OTUB1: variants seen among roughly 807,000 people sequenced by gnomAD.
OTUB1 encodes the protein ubiquitin thioesterase OTUB1.
In OTUB1, 10 loss-of-function variants were observed where a neutral mutation model predicts 35.8. That is an observed-to-expected ratio of 0.28 (90% CI 0.17 to 0.47). OTUB1 has a LOEUF of 0.47. OTUB1 is among the 20% of genes least tolerant of loss of function. The pLI is 0.99. For missense variants in OTUB1, 264 were observed against 351.6 expected (o/e 0.75, Z 1.99); for synonymous variants, 158 against 143.8 (o/e 1.10, Z -0.71).
At chr11:63,995,239 C>T (rs1420024852) in intron 3 of OTUB1, among the ~76,000 whole-genome samples, 2 of 152,156 alleles carry the variant, frequency 1.3e-5, no homozygotes, top group African/African-American at 4.8e-5. Context: ...CTCTGTTGCC[C>T]AGGCTGGAGT....
chr11:63,990,585 T>TAAAA (rs774764039), intron 3 of OTUB1: 7,191 of 124,366 alleles, frequency 0.058, 280 homozygotes, highest in Non-Finnish European at 0.089. Flanking sequence ...ACCTGTCTCT[T>TAAAA]AAAAAAATAA....
intron 3 of OTUB1, 94 bp from the exon 4 acceptor site, chr11:63,996,436 A>T: frequency 7.2e-7 from 1 of 1,395,034 alleles, no homozygotes; most frequent in Non-Finnish European, 9.9e-7. Flanking sequence ...CTCAGTTGCC[A>T]CCTTTGGAGT....
intron 3 of OTUB1, chr11:63,990,598 A>AAAAT (rs1166629059): frequency 2.3e-5 from 2 of 86,570 alleles, no homozygotes; most frequent in African/African-American, 3.8e-5. Flanking sequence ...AAAAATAAAA[A>AAAAT]AATAAATAAA....
At position 63,998,084 on chromosome 11, in the gene OTUB1, G is replaced by A; in HGVS notation, c.*538G>A. 2.6e-6 allele frequency: 1 copy of A among 390,474 alleles called. No individual in the cohort carries two copies. Among genetic ancestry groups the A allele is most frequent in the Admixed American group, 4.3e-5 (1 of 23,190 alleles). The allele number at this position is 390,474 out of a possible 1,614,324, so 24.2% of individuals were successfully genotyped here. On this transcript the variant is annotated 3_prime_UTR_variant, in exon 7 of 7. Coordinates refer to ENST00000538426, the MANE Select transcript of OTUB1 (RefSeq NM_017670.3). ...TGGGTGGAGGGGCCTTTGTGAGGCT[G>A]GACCCGGCTCAGGGCAGGTGGAGGA...
intron 3 of OTUB1, among the ~76,000 whole-genome samples, chr11:63,992,947 A>T (rs898330502): frequency 6.6e-6 from 1 of 152,206 alleles, no homozygotes; most frequent in Non-Finnish European, 1.5e-5. Flanking sequence ...TGGCCTCCCA[A>T]AGTGCTGGGA....
At chr11:63,996,777 C>A (rs369302414) in intron 4 of OTUB1, 80 bp from the exon 5 acceptor site, 3 of 1,609,250 alleles carry the variant, frequency 1.9e-6, no homozygotes, top group Non-Finnish European at 2.5e-6. Context: ...CCTTGCCAGG[C>A]GGGGCAGTGC....
chr11:63,993,675 A>AG lies in OTUB1; in HGVS notation c.220-2855_220-2854insG, dbSNP rs1233629092. Among the ~76,000 whole-genome samples, 174 of 152,006 alleles carry AG rather than the reference A, an allele frequency of 1.1e-3. 1 individual carries two copies. Among genetic ancestry groups the AG allele is most frequent in the African/African-American group, 4.1e-3 (169 of 41,490 alleles). ...CGAGACTGTCTCAAAAAAAAAAAAAAAAAATTGCTTGAGACTGATGTCGTC... is the reference window on the plus strand; with the variant it reads ...CGAGACTGTCTCAAAAAAAAAAAAAAGAAAATTGCTTGAGACTGATGTCGTC... On this transcript the variant is annotated intron_variant, in intron 3 of 6. Transcript: ENST00000538426.
chr11:63,995,510 G>T (rs1327400417), intron 3 of OTUB1, among the ~76,000 whole-genome samples: 1 of 151,694 alleles, frequency 6.6e-6, no homozygotes, highest in Non-Finnish European at 1.5e-5. Context: ...ATTTTTTTTA[G>T]AGAGACGGGG....
chr11:63,995,416 G>A (rs1297875922), intron 3 of OTUB1, among the ~76,000 whole-genome samples: 2 of 152,056 alleles, frequency 1.3e-5, no homozygotes, highest in Non-Finnish European at 2.9e-5. Context: ...TGCTGGTCTC[G>A]AACTCCCGAC....
intron 3 of OTUB1, among the ~76,000 whole-genome samples, chr11:63,993,882 T>C (rs1942695005): frequency 6.6e-6 from 1 of 152,082 alleles, no homozygotes. Context: ...GGTGCGGCAC[T>C]TTGGGAGGCC....
rs1565184943 is a variant in OTUB1, at chr11:63,990,605, T to TAAAAAAAAA, written c.219+1856_219+1857insAAAAAAAAA. 86 of 136,618 alleles carry TAAAAAAAAA rather than the reference T, an allele frequency of 6.3e-4. 1 individual carries two copies. The highest frequency in any genetic ancestry group is 2.7e-3 in the African/African-American group (82 of 30,010). The allele number at this position is 136,618 out of a possible 1,614,324, so 8.5% of individuals were successfully genotyped here. A position where few individuals can be genotyped will look rare whatever the true frequency, so the allele number is the denominator to read the frequency against. On this transcript the variant is annotated intron_variant, in intron 3 of 6. Transcript: ENST00000538426. ...TCTCTTAAAAAAATAAAAAAATAAA[T>TAAAAAAAAA]AAATAAATAAATAAATAAATGTGAC...
At position 63,997,799 on chromosome 11, in the gene OTUB1, CCT is replaced by C; in HGVS notation, c.*254_*255del. 1 of 700,120 alleles carries C rather than the reference CCT, an allele frequency of 1.4e-6. No homozygotes were observed. Among genetic ancestry groups the C allele is most frequent in the Non-Finnish European group, 2.6e-6 (1 of 384,592 alleles). The allele number at this position is 700,120 out of a possible 1,614,324, so 43.4% of individuals were successfully genotyped here. A position where few individuals can be genotyped will look rare whatever the true frequency, so the allele number is the denominator to read the frequency against. On this transcript the variant is annotated 3_prime_UTR_variant, in exon 7 of 7. Transcript: ENST00000538426. ...TCCCCCTGCTTTTCACCTATCTACT[CCT>C]GAGCTTCCCCAACAGGAGCAGGTTT... is the stretch of plus-strand genomic sequence containing the variant.
intron 3 of OTUB1, chr11:63,988,998 G>A: frequency 2.9e-6 from 1 of 343,446 alleles, no homozygotes; most frequent in South Asian, 7.3e-5. Flanking sequence ...TGGGTGATAA[G>A]AGCAAAACTT....
At chr11:63,993,054 C>T (rs1300988239) in intron 3 of OTUB1, among the ~76,000 whole-genome samples, 1 of 152,228 alleles carries the variant, frequency 6.6e-6, no homozygotes, top group Admixed American at 6.5e-5. Context: ...GGGACACTGC[C>T]AGGAGACTTG....
chr11:63,993,152 T>C (rs1942687725), intron 3 of OTUB1, among the ~76,000 whole-genome samples: 1 of 152,088 alleles, frequency 6.6e-6, no homozygotes, highest in Non-Finnish European at 1.5e-5. Flanking sequence ...AAGGGATGGA[T>C]ATGGTGATGG....
In OTUB1 at chr11:63,997,019, C is replaced by A; in HGVS notation, c.424-31C>A. On this transcript the variant is annotated intron_variant, in intron 5 of 6. Coordinates refer to ENST00000538426, the MANE Select transcript of OTUB1 (RefSeq NM_017670.3). Reference sequence around the variant, plus strand: ...TGAGGACCACCCATCTCCTCCCCGTCATCTTGCCCTTTCTCCCTCCGTGGC... The same window carrying A: ...TGAGGACCACCCATCTCCTCCCCGTAATCTTGCCCTTTCTCCCTCCGTGGC... 3 of 1,612,216 alleles carry A rather than the reference C, an allele frequency of 1.9e-6. No homozygotes were observed. In the South Asian group the frequency reaches 3.3e-5, roughly 18 times the overall value.
intron 3 of OTUB1, among the ~76,000 whole-genome samples, chr11:63,994,240 G>C (rs934345708): frequency 6.6e-6 from 1 of 152,186 alleles, no homozygotes; most frequent in African/African-American, 2.4e-5. Context: ...GTGGCTAAGT[G>C]TGCAGTGACT....
At chr11:63,988,072 C>T (rs1258985971) in intron 1 of OTUB1, among the ~76,000 whole-genome samples, 1 of 152,082 alleles carries the variant, frequency 6.6e-6, no homozygotes, top group African/African-American at 2.4e-5. Context: ...GTCAGGAGTT[C>T]GAGACCAGCC....
At chr11:63,996,673 C>T (rs762226472) in intron 4 of OTUB1, 25 bp downstream of exon 4, 18 of 1,614,018 alleles carry the variant, frequency 1.1e-5, no homozygotes, top group East Asian at 6.7e-5. Context: ...CACTGGGCAC[C>T]GAGGCAGGTG....
Sources: gnomAD v4.1 joint callset for allele counts (sites outside exome capture counted in the v4.1 genomes callset) on GRCh38, gnomAD v4.1.1 for gene constraint, MANE v1.5 for transcripts, NCBI Gene and HGNC (gene_info 2026-07-23, HGNC 2026-07-21) for gene names.